The following CTDP1 variants were observed in gnomAD, a reference collection of about 807,000 sequenced individuals.
The protein encoded by CTDP1 is RNA polymerase II subunit A C-terminal domain phosphatase.
A neutral mutation model predicts 91.8 loss-of-function variants in CTDP1; 47 were observed. That is an observed-to-expected ratio of 0.51 (90% CI 0.41 to 0.65). The LOEUF (loss-of-function observed/expected upper bound fraction) is 0.65. CTDP1 is among the 30% of genes least tolerant of loss of function. The pLI, the probability that CTDP1 is intolerant of heterozygous loss-of-function variation, is 0.00. For synonymous variants in CTDP1, 656 were observed against 598.5 expected (o/e 1.10, Z -1.40); for missense variants, 1,272 against 1,373.7 (o/e 0.93, Z 1.17).
chr18:79,687,982 A>T (rs1368040645), intron 1 of CTDP1, among the ~76,000 whole-genome samples: 1 of 152,240 alleles, frequency 6.6e-6, no homozygotes, highest in Non-Finnish European at 1.5e-5. Flanking sequence ...CTTTCCAGCC[A>T]CGGCTCTGTG....
rs573661571 is a variant in CTDP1 at position 79,722,252 on chromosome 18, A to G, written c.2417+4236A>G. Among the ~76,000 whole-genome samples, 6 of 152,360 alleles carry G rather than the reference A, an allele frequency of 3.9e-5. No homozygotes were observed. The East Asian group carries it at 9.6e-4, about 24-fold the overall frequency. ...CTTTTACTTGAATGACACTAATAAC[A>G]TGGCAGCCGATAACTGTGTATGTGT... On this transcript the variant is annotated intron_variant, in intron 10 of 12. Coordinates refer to ENST00000613122, the MANE Select transcript of CTDP1 (RefSeq NM_004715.5).
chr18:79,748,815 G>A (rs1345489050), intron 12 of CTDP1, among the ~76,000 whole-genome samples: 4 of 151,872 alleles, frequency 2.6e-5, no homozygotes, highest in African/African-American at 9.7e-5. Context: ...CCTGGGAGCC[G>A]TGTCTGCCTG....
At chr18:79,734,960 T>A (rs1204019282) in intron 11 of CTDP1, among the ~76,000 whole-genome samples, 14 of 152,182 alleles carry the variant, frequency 9.2e-5, no homozygotes, top group Non-Finnish European at 2.9e-5. Context: ...TAACCATTGG[T>A]TAAAATGTTT....
chr18:79,717,462 G>A, intron 8 of CTDP1, 73 bp from the exon 9 acceptor site: 1 of 1,597,470 alleles, frequency 6.3e-7, no homozygotes, highest in South Asian at 1.1e-5. Context: ...GGGCCCTGGT[G>A]GGTGCAGCCG....
rs2085779046 is a variant in CTDP1, at chr18:79,697,846, CTTTT to C, written c.493-12_493-9del. On this transcript the variant is annotated splice_polypyrimidine_tract_variant and intron_variant, in intron 3 of 12. Transcript: ENST00000613122. ...ATACTGACTTTGTCATTTCTTGTTT[CTTTT>C]TAATTGTAGCAAGCTGAACAGCTGG... 2 of 1,613,916 alleles carry C rather than the reference CTTTT, an allele frequency of 1.2e-6. No homozygotes were observed. The highest frequency in any genetic ancestry group is 1.7e-6 in the Non-Finnish European group (2 of 1,179,964).
chr18:79,703,949 G>A (rs1041749404), intron 4 of CTDP1, among the ~76,000 whole-genome samples: 6 of 152,090 alleles, frequency 3.9e-5, no homozygotes, highest in Non-Finnish European at 8.8e-5. Flanking sequence ...GCGGGTCGTT[G>A]CAGGCAGGTA....
chr18:79,692,355 T>C (rs986812688), intron 1 of CTDP1, among the ~76,000 whole-genome samples: 2 of 152,156 alleles, frequency 1.3e-5, no homozygotes, highest in Non-Finnish European at 2.9e-5. Context: ...TGGACTCCTC[T>C]GTTCCATGCG....
At chr18:79,691,212 G>A (rs1339319465) in intron 1 of CTDP1, among the ~76,000 whole-genome samples, 1 of 152,192 alleles carries the variant, frequency 6.6e-6, no homozygotes, top group East Asian at 1.9e-4. Context: ...TTACACTGTT[G>A]GTGACAGCAG....
intron 12 of CTDP1, among the ~76,000 whole-genome samples, chr18:79,746,293 GTCCCTGCGTCCCTCCCGTGCGCGTTC>G (rs2086878691): frequency 1.9e-5 from 2 of 103,074 alleles, no homozygotes; most frequent in Non-Finnish European, 4.1e-5. Context: ...TGCGCGTTCT[GTCCCTGCGTCCCTCCCGTGCGCGTTC>G]TGTCCCCGCG....
intron 5 of CTDP1, among the ~76,000 whole-genome samples, chr18:79,706,601 A>G (rs897955091): frequency 2.0e-5 from 3 of 152,052 alleles, no homozygotes; most frequent in Admixed American, 6.5e-5. Flanking sequence ...GTCTTAATAT[A>G]TGTACAAGTT....
intron 12 of CTDP1, among the ~76,000 whole-genome samples, chr18:79,751,842 AC>A (rs1321355552): frequency 7.2e-5 from 11 of 152,232 alleles, no homozygotes; most frequent in African/African-American, 2.7e-4. Context: ...CATTGTATCT[AC>A]GTTAGCTAAG....
chr18:79,739,245 C>G (rs574202732), intron 12 of CTDP1, among the ~76,000 whole-genome samples: 22 of 152,258 alleles, frequency 1.4e-4, no homozygotes, highest in African/African-American at 5.3e-4. Context: ...CCACTAAGAC[C>G]AGTCAGGGTG....
At chr18:79,695,624 G>A (rs940964691) in intron 2 of CTDP1, among the ~76,000 whole-genome samples, 5 of 152,224 alleles carry the variant, frequency 3.3e-5, no homozygotes, top group Non-Finnish European at 7.3e-5. Flanking sequence ...GGGCCGCTGA[G>A]CGCCCCATGC....
intron 1 of CTDP1, chr18:79,681,051 C>T (rs2085354598): frequency 6.6e-6 from 1 of 152,296 alleles, no homozygotes; most frequent in African/African-American, 2.4e-5. Context: ...GGCGTGAGCT[C>T]CCTCTGGGAA....
intron 1 of CTDP1, chr18:79,685,365 A>G (rs939852263): frequency 1.3e-5 from 2 of 152,078 alleles, no homozygotes; most frequent in Admixed American, 6.5e-5. Flanking sequence ...ACAGGGAGGT[A>G]TTTAAATCGC....
intron 10 of CTDP1, among the ~76,000 whole-genome samples, chr18:79,724,753 T>C (rs1331549552): frequency 2.0e-5 from 3 of 152,222 alleles, no homozygotes; most frequent in South Asian, 2.1e-4. Flanking sequence ...AGTAGCCCAG[T>C]CCCAGATCCC....
At chr18:79,693,736 GT>G (rs1453904390) in intron 1 of CTDP1, among the ~76,000 whole-genome samples, 1 of 152,120 alleles carries the variant, frequency 6.6e-6, no homozygotes, top group Non-Finnish European at 1.5e-5. Flanking sequence ...CTCCTCCAGG[GT>G]GATCCGCACA....
At position 79,717,852 on chromosome 18, in the gene CTDP1, C is replaced by G; in HGVS notation, c.2253C>G (p.Pro751=). Residue 751 remains proline, a synonymous_variant, in exon 10 of 13, where the codon CCC becomes CCG. Transcript: ENST00000613122. ...CCTTTCCCGACCGGGAGGGTGTGCC[C>G]CCCACCGCCTTGTTCCACCCGATGC... The part of the protein sequence containing the change: ...PAAFPDREGV[P]PTALFHPMPV... The G allele has an allele frequency of 6.2e-7, 1 of 1,613,680 alleles. No homozygotes were observed. Among genetic ancestry groups the G allele is most frequent in the Non-Finnish European group, 8.5e-7 (1 of 1,180,002 alleles).
intron 4 of CTDP1, among the ~76,000 whole-genome samples, chr18:79,701,377 G>T (rs905915962): frequency 5.3e-5 from 8 of 152,068 alleles, no homozygotes; most frequent in African/African-American, 1.9e-4. Context: ...GGGTGTGGTG[G>T]CGGGTGCCTG....
Sources: allele counts gnomAD v4.1 joint callset (sites outside exome capture counted in the v4.1 genomes callset), GRCh38; gene constraint gnomAD v4.1.1; transcripts MANE v1.5; gene names NCBI Gene and HGNC (gene_info 2026-07-23, HGNC 2026-07-21).